The following UGGT1 variants were observed in gnomAD, a reference collection of about 807,000 sequenced individuals.
UGGT1 encodes the protein UDP-glucose:glycoprotein glucosyltransferase 1.
A neutral mutation model predicts 203.9 loss-of-function variants in UGGT1; 107 were observed. The observed-to-expected ratio is 0.52, with a 90% CI of 0.45 to 0.62. UGGT1 has a LOEUF of 0.62. Among genes scored for constraint, UGGT1 ranks in the 20% least tolerant of loss-of-function variants. The probability of loss-of-function intolerance (pLI) is 0.00; values close to 1 mark genes in which losing one functional copy is unlikely to be tolerated. For synonymous variants in UGGT1, 628 were observed against 653.5 expected (o/e 0.96, Z 0.59); for missense variants, 1,673 against 1,867.2 (o/e 0.90, Z 1.92).
chr2:128,170,845 A>G (rs1253520939), intron 27 of UGGT1, among the ~76,000 whole-genome samples: 1 of 152,184 alleles, frequency 6.6e-6, no homozygotes, highest in Non-Finnish European at 1.5e-5. Context: ...TTCATTGCCG[A>G]ATAAATCTCT....
At chr2:128,137,030 T>A (rs1432110223) in intron 15 of UGGT1, among the ~76,000 whole-genome samples, 2 of 152,214 alleles carry the variant, frequency 1.3e-5, no homozygotes, top group Non-Finnish European at 2.9e-5. Flanking sequence ...TCTGTTCAGA[T>A]TTTTTGTCCT....
intron 31 of UGGT1, 46 bp from the exon 32 acceptor site, chr2:128,176,768 T>C (rs1691416961): frequency 6.4e-7 from 1 of 1,571,538 alleles, no homozygotes; most frequent in South Asian, 1.1e-5. Flanking sequence ...TTTGCTGCCT[T>C]TTGAGAATTG....
intron 26 of UGGT1, among the ~76,000 whole-genome samples, chr2:128,168,630 A>C (rs1213114539): frequency 6.6e-6 from 1 of 152,224 alleles, no homozygotes; most frequent in Non-Finnish European, 1.5e-5. Context: ...ATTGGGTATA[A>C]TTTTAAATCC....
intron 31 of UGGT1, among the ~76,000 whole-genome samples, chr2:128,175,495 G>A (rs1410725589): frequency 6.6e-6 from 1 of 152,196 alleles, no homozygotes; most frequent in East Asian, 1.9e-4. Flanking sequence ...TGTAGGGGAT[G>A]ATTTCCATTA....
intron 25 of UGGT1, among the ~76,000 whole-genome samples, chr2:128,163,487 G>A (rs555926861): frequency 2.0e-5 from 3 of 151,680 alleles, no homozygotes; most frequent in South Asian, 4.2e-4. Flanking sequence ...AGGCCGAGGC[G>A]GGCGGATCAT....
intron 38 of UGGT1, among the ~76,000 whole-genome samples, chr2:128,185,714 G>A (rs186734378): frequency 6.6e-6 from 1 of 152,156 alleles, no homozygotes; most frequent in Non-Finnish European, 1.5e-5. Context: ...GGGCTCAAGC[G>A]ATCTACCCAC....
chr2:128,182,369 G>A, intron 37 of UGGT1, 79 bp downstream of exon 37: 1 of 1,472,158 alleles, frequency 6.8e-7, no homozygotes, highest in Non-Finnish European at 9.2e-7. Context: ...TTGTGAATAG[G>A]TAATACATTG....
chr2:128,113,402 T>G (rs1020497725), intron 6 of UGGT1, 144 bp downstream of exon 6: 1 of 674,498 alleles, frequency 1.5e-6, no homozygotes, highest in Non-Finnish European at 2.3e-6. Context: ...TCATTGAGTC[T>G]ATTATTTGCA....
chr2:128,167,934 A>C (rs907594226), intron 26 of UGGT1, among the ~76,000 whole-genome samples: 2 of 152,010 alleles, frequency 1.3e-5, no homozygotes, highest in African/African-American at 4.8e-5. Context: ...CTCTACCCCA[A>C]ACCTGGTGTG....
chr2:128,126,745 C>T (rs1269498008), intron 11 of UGGT1, among the ~76,000 whole-genome samples: 1 of 25,704 alleles, frequency 3.9e-5, no homozygotes, highest in South Asian at 7.5e-4. Flanking sequence ...TGCAGTGGTG[C>T]TATCTCGGCT....
In UGGT1 at chr2:128,186,886, A is replaced by C. The variant is rs867001951; in HGVS notation, c.4476+87A>C. The C allele has an allele frequency of 2.5e-5, 26 of 1,030,404 alleles. No individual in the cohort carries two copies. In the African/African-American group the frequency reaches 3.4e-4, roughly 14 times the overall value. The allele number at this position is 1,030,404 out of a possible 1,614,324, so 63.8% of individuals were successfully genotyped here. ...TAATGATTTTTATTTAGATTCTTAAATTTAAGAATTTCCTAGATTCTTATT... is the reference window on the plus strand; with the variant it reads ...TAATGATTTTTATTTAGATTCTTAACTTTAAGAATTTCCTAGATTCTTATT... On this transcript the variant is annotated intron_variant, in intron 39 of 40. Coordinates refer to ENST00000259253, the MANE Select transcript of UGGT1 (RefSeq NM_020120.4).
chr2:128,179,941 G>T, intron 35 of UGGT1, 71 bp downstream of exon 35: 1 of 1,446,666 alleles, frequency 6.9e-7, no homozygotes. Context: ...CATGACTTTT[G>T]TTTTATCTGT....
In UGGT1 at chr2:128,190,040, T is replaced by G; in HGVS notation, c.*298T>G. Reference sequence around the variant, plus strand: ...GCAGCAGCAACTGGAAGAAAATGAGTTTTTTGGTGCCCACACCCAAGAGCA... The same window carrying G: ...GCAGCAGCAACTGGAAGAAAATGAGGTTTTTGGTGCCCACACCCAAGAGCA... On this transcript the variant is annotated 3_prime_UTR_variant, in exon 41 of 41. Coordinates refer to ENST00000259253, the MANE Select transcript of UGGT1 (RefSeq NM_020120.4). The G allele has an allele frequency of 3.3e-6, 1 of 306,502 alleles. No homozygotes were observed. 19.0% of individuals were successfully genotyped at this position (306,502 alleles called of 1,614,324 possible).
intron 39 of UGGT1, 192 bp from the exon 40 acceptor site, chr2:128,187,257 C>T: frequency 2.0e-6 from 1 of 493,594 alleles, no homozygotes; most frequent in Non-Finnish European, 3.4e-6. Flanking sequence ...TTCCATTAGC[C>T]ACTCACACAT....
intron 18 of UGGT1, among the ~76,000 whole-genome samples, chr2:128,152,243 C>G (rs1016117061): frequency 2.0e-5 from 3 of 152,058 alleles, no homozygotes; most frequent in African/African-American, 7.2e-5. Context: ...TCTTGGCTCA[C>G]TGCAACCTCT....
chr2:128,153,055 A>T (rs1427923193), intron 19 of UGGT1, 151 bp downstream of exon 19: 1 of 1,105,622 alleles, frequency 9.0e-7, no homozygotes, highest in African/African-American at 1.6e-5. Context: ...AACTCTTTGC[A>T]CCTTTAGTTC....
intron 15 of UGGT1, 37 bp from the exon 16 acceptor site, chr2:128,138,680 T>C (rs1188383296): frequency 2.5e-6 from 4 of 1,602,342 alleles, no homozygotes; most frequent in Non-Finnish European, 2.6e-6. Flanking sequence ...TTGCATTCTT[T>C]GACATGTTTC....
intron 8 of UGGT1, 80 bp from the exon 9 acceptor site, chr2:128,120,276 A>G: frequency 7.5e-7 from 1 of 1,330,726 alleles, no homozygotes; most frequent in Non-Finnish European, 1.1e-6. Context: ...GAAAACCATG[A>G]AGATAAAGTT....
intron 14 of UGGT1, among the ~76,000 whole-genome samples, chr2:128,133,586 A>G (rs1027507906): frequency 6.6e-6 from 1 of 152,010 alleles, no homozygotes; most frequent in Non-Finnish European, 1.5e-5. Flanking sequence ...TATTTTTTCT[A>G]ATCAGCTTTT....
Sources: allele counts gnomAD v4.1 joint callset (sites outside exome capture counted in the v4.1 genomes callset), GRCh38; gene constraint gnomAD v4.1.1; transcripts MANE v1.5; gene names NCBI Gene and HGNC (gene_info 2026-07-23, HGNC 2026-07-21).